The following LINGO1 variants were observed in gnomAD, a reference collection of about 807,000 sequenced individuals.
LINGO1 encodes leucine-rich repeat and immunoglobulin-like domain-containing nogo receptor-interacting protein 1.
In LINGO1, 11 loss-of-function variants were observed where a neutral mutation model predicts 37.3. The ratio of observed to expected loss-of-function variants is 0.29; its 90% CI spans 0.19 to 0.49. LINGO1 has a LOEUF of 0.49. LINGO1 is among the 20% of genes least tolerant of loss of function. The pLI is 0.99. For missense variants in LINGO1, 585 were observed against 878.2 expected (o/e 0.67, Z 4.22); for synonymous variants, 387 against 403.0 (o/e 0.96, Z 0.48).
intron 3 of LINGO1, among the ~76,000 whole-genome samples, chr15:77,664,168 T>TGCGCGCGCGCGC (rs1459404193): frequency 8.6e-4 from 103 of 120,314 alleles, no homozygotes; most frequent in African/African-American, 4.0e-3. Context: ...TGTGTGTGTG[T>TGCGCGCGCGCGC]GTGCGCGCGC....
chr15:77,729,528 C>T (rs977610337), intron 2 of LINGO1, among the ~76,000 whole-genome samples: 2 of 152,202 alleles, frequency 1.3e-5, no homozygotes, highest in Non-Finnish European at 2.9e-5. Context: ...GGCTGTGGCC[C>T]AGTGGTCCTT....
intron 1 of LINGO1, among the ~76,000 whole-genome samples, chr15:77,624,845 G>A (rs535243217): frequency 5.0e-4 from 76 of 152,240 alleles, no homozygotes; most frequent in African/African-American, 1.8e-3. Context: ...TATTCGGGGG[G>A]GTAACCTGAG....
chr15:77,624,051 G>C (rs1028026204), intron 1 of LINGO1, among the ~76,000 whole-genome samples: 3 of 149,398 alleles, frequency 2.0e-5, no homozygotes, highest in African/African-American at 5.0e-5. Flanking sequence ...TGGTGTGTGT[G>C]TGAGTGCGGT....
chr15:77,713,210 T>TTTTGTGTGTGTGTGTGTG (rs1241253175), intron 2 of LINGO1, among the ~76,000 whole-genome samples: 1 of 123,722 alleles, frequency 8.1e-6, no homozygotes, highest in African/African-American at 3.2e-5. Context: ...GCCCAGCTAA[T>TTTTGTGTGTGTGTGTGTG]TGTGTGTGTG....
At chr15:77,736,744 C>T (rs1441615845) in intron 1 of LINGO1, among the ~76,000 whole-genome samples, 1 of 151,984 alleles carries the variant, frequency 6.6e-6, no homozygotes, top group Non-Finnish European at 1.5e-5. Context: ...ACTGCACTCC[C>T]GCCTAGGTGA....
intron 3 of LINGO1, among the ~76,000 whole-genome samples, chr15:77,659,210 G>T (rs1001273467): frequency 1.3e-5 from 2 of 152,062 alleles, no homozygotes; most frequent in African/African-American, 4.8e-5. Flanking sequence ...TAATGCTCTG[G>T]GCTGGTCATG....
At chr15:77,731,325 C>T (rs2076152850) in intron 2 of LINGO1, among the ~76,000 whole-genome samples, 1 of 152,138 alleles carries the variant, frequency 6.6e-6, no homozygotes, top group African/African-American at 2.4e-5. Flanking sequence ...GGGAGAGACT[C>T]GGCACACAAA....
chr15:77,713,588 T>C (rs960372447), intron 2 of LINGO1, among the ~76,000 whole-genome samples: 1 of 151,800 alleles, frequency 6.6e-6, no homozygotes, highest in Admixed American at 6.6e-5. Flanking sequence ...TGGCGCTGGA[T>C]ACACACACAG....
At chr15:77,795,695 C>T (rs767438778) in intron 2 of LINGO1, among the ~76,000 whole-genome samples, 1 of 152,250 alleles carries the variant, frequency 6.6e-6, no homozygotes, top group Non-Finnish European at 1.5e-5. Flanking sequence ...CACGCGGGAA[C>T]CCATTAGCCG....
chr15:77,794,311 TGTGTATATACATAC>T (rs2141450069), intron 2 of LINGO1, among the ~76,000 whole-genome samples: 1 of 137,236 alleles, frequency 7.3e-6, no homozygotes, highest in South Asian at 2.2e-4. Context: ...TATACATATA[TGTGTATATACATAC>T]ATATATGTAT....
At chr15:77,658,680 G>A (rs1007632323) in intron 3 of LINGO1, among the ~76,000 whole-genome samples, 1 of 152,288 alleles carries the variant, frequency 6.6e-6, no homozygotes, top group Non-Finnish European at 1.5e-5. Flanking sequence ...TCTGCTTTCA[G>A]CACTAAGAGT....
intron 2 of LINGO1, among the ~76,000 whole-genome samples, chr15:77,728,725 A>C (rs1483971683): frequency 6.6e-6 from 1 of 152,252 alleles, no homozygotes; most frequent in Non-Finnish European, 1.5e-5. Flanking sequence ...AATGTAGTCC[A>C]GACTGCCGAG....
chr15:77,645,455 C>T (rs2074604294), intron 3 of LINGO1, among the ~76,000 whole-genome samples: 1 of 152,256 alleles, frequency 6.6e-6, no homozygotes, highest in African/African-American at 2.4e-5. Flanking sequence ...TTAAACTTGG[C>T]AGCAGAGTCC....
At chr15:77,624,190 T>C (rs1264000044) in intron 1 of LINGO1, among the ~76,000 whole-genome samples, 1 of 141,562 alleles carries the variant, frequency 7.1e-6, no homozygotes, top group Non-Finnish European at 1.5e-5. Context: ...TGTGTGTGTG[T>C]GTGATGTGTG....
At chr15:77,777,395 C>A (rs963189862) in intron 1 of LINGO1, among the ~76,000 whole-genome samples, 1 of 150,752 alleles carries the variant, frequency 6.6e-6, no homozygotes, top group Admixed American at 6.6e-5. Flanking sequence ...ACACACCACA[C>A]ACACATATGG....
chr15:77,624,079 G>C (rs1005265320), intron 1 of LINGO1, among the ~76,000 whole-genome samples: 1 of 148,984 alleles, frequency 6.7e-6, no homozygotes, highest in African/African-American at 2.5e-5. Flanking sequence ...TGTGGCCTCT[G>C]TGTGTGTCTG....
intron 1 of LINGO1, among the ~76,000 whole-genome samples, chr15:77,803,881 T>A (rs948238240): frequency 1.3e-5 from 2 of 152,136 alleles, no homozygotes; most frequent in Non-Finnish European, 2.9e-5. Context: ...AATTACCCAG[T>A]CTCAGGAATT....
At chr15:77,807,377 T>C (rs1441357493) in intron 1 of LINGO1, among the ~76,000 whole-genome samples, 1 of 152,198 alleles carries the variant, frequency 6.6e-6, no homozygotes, top group African/African-American at 2.4e-5. Flanking sequence ...GAGCTGTTTA[T>C]CCAACTGGCC....
intron 2 of LINGO1, among the ~76,000 whole-genome samples, chr15:77,678,200 A>G (rs2075359250): frequency 6.6e-6 from 1 of 152,238 alleles, no homozygotes; most frequent in South Asian, 2.1e-4. Flanking sequence ...ATTACCCCAC[A>G]GTAAAACTGA....
Sources: allele counts gnomAD v4.1 joint callset (sites outside exome capture counted in the v4.1 genomes callset), GRCh38; gene constraint gnomAD v4.1.1; transcripts MANE v1.5; gene names NCBI Gene and HGNC (gene_info 2026-07-23, HGNC 2026-07-21).